TENM3: variants seen among roughly 807,000 people sequenced by gnomAD.
The protein encoded by TENM3 is teneurin-3.
Under a neutral mutation model 255.1 loss-of-function variants are expected in TENM3, and 63 were observed. The observed-to-expected ratio is 0.25, with a 90% CI of 0.20 to 0.30. TENM3 has a LOEUF of 0.30. Among genes scored for constraint, TENM3 ranks in the 10% least tolerant of loss-of-function variants. TENM3 has a pLI of 1.00. For synonymous variants in TENM3, 1,306 were observed against 1,322.3 expected (o/e 0.99, Z 0.27); for missense variants, 2,929 against 3,461.1 (o/e 0.85, Z 3.86).
intron 3 of TENM3, among the ~76,000 whole-genome samples, chr4:182,389,787 G>C (rs906858795): frequency 6.6e-6 from 1 of 151,310 alleles, no homozygotes; most frequent in Admixed American, 6.6e-5. Flanking sequence ...CCGGGTTCGC[G>C]CCATTCTCCT....
At chr4:182,494,267 A>G (rs1735555421) in intron 3 of TENM3, among the ~76,000 whole-genome samples, 1 of 152,198 alleles carries the variant, frequency 6.6e-6, no homozygotes, top group African/African-American at 2.4e-5. Context: ...TGGTATATAC[A>G]GTAGTCCCCC....
the TENM3 span, among the ~76,000 whole-genome samples, chr4:182,015,109 T>A: frequency 6.6e-6 from 1 of 152,234 alleles, no homozygotes; most frequent in Non-Finnish European, 1.5e-5. Flanking sequence ...ATTCCCCTGC[T>A]CTACTTCTTC....
chr4:182,244,189 G>A (rs555233931), intron 1 of TENM3, among the ~76,000 whole-genome samples: 2 of 151,890 alleles, frequency 1.3e-5, no homozygotes, highest in East Asian at 2.0e-4. Context: ...TCCTGACCTC[G>A]TGATCCGCCC....
rs764211535 is a variant in TENM3, at chr4:182,628,752, G to A, written c.851G>A (p.Arg284Gln). The A allele has an allele frequency of 9.9e-6, 16 of 1,609,234 alleles. No homozygotes were observed. The highest frequency in any genetic ancestry group is 2.7e-5 in the African/African-American group (2 of 74,738). ...GGCTCTGTTTATTCACCACCTACTC[G>A]GCCACTACCTAGAAACACCCTATCA... ...ASGSVYSPPTRPLPRNTLSRS... is the reference protein window; with the variant it reads ...ASGSVYSPPTQPLPRNTLSRS... Residue 284 changes from arginine (R) to glutamine (Q), a missense_variant, in exon 5 of 28, where the codon CGG becomes CAG. This residue lies in a region of TENM3 where 1,608 missense variants were observed against 1,884.4 expected (regional missense o/e 0.85). Coordinates refer to ENST00000511685, the MANE Select transcript of TENM3 (RefSeq NM_001080477.4).
Position 182,789,151 on chromosome 4 carries a change from T to C in TENM3, c.5363T>C (p.Ile1788Thr). 4 of 1,612,686 alleles carry C rather than the reference T, an allele frequency of 2.5e-6. No individual in the cohort carries two copies. The highest frequency in any genetic ancestry group is 3.4e-6 in the Non-Finnish European group (4 of 1,179,378). Residue 1788 changes from isoleucine to threonine, a missense_variant, in exon 25 of 28, where the codon ATC becomes ACC. Physicochemically the swap from Ile to Thr is moderately conservative, Grantham distance 89. Transcript: ENST00000511685. The surrounding 1 kb of genome is among the most constrained non-coding windows in gnomAD (Gnocchi z 4.4). ...DFDRTTKTEK[I>T]YDDHRKFLLR... Reference sequence around the variant, plus strand: ...GATCGAACAACAAAGACAGAAAAGATCTATGACGACCACCGTAAATTTCTA... The same window carrying C: ...GATCGAACAACAAAGACAGAAAAGACCTATGACGACCACCGTAAATTTCTA...
chr4:182,296,835 G>A (rs115041287), intron 1 of TENM3, among the ~76,000 whole-genome samples: 3,046 of 152,160 alleles, frequency 0.02, 106 homozygotes, highest in African/African-American at 0.07. Flanking sequence ...CAAATTGCTG[G>A]TGCTAATTTG....
chr4:181,909,535 C>A, the TENM3 span, among the ~76,000 whole-genome samples: 1 of 152,176 alleles, frequency 6.6e-6, no homozygotes, highest in Non-Finnish European at 1.5e-5. Context: ...GTGACTCAGC[C>A]CGGCTGCTGT....
intron 13 of TENM3, among the ~76,000 whole-genome samples, chr4:182,728,181 A>G (rs937001799): frequency 1.3e-5 from 2 of 152,158 alleles, no homozygotes; most frequent in South Asian, 2.1e-4. Flanking sequence ...TGGTTGGCTC[A>G]TCTCATCCAT....
chr4:182,126,957 C>G, the TENM3 span, among the ~76,000 whole-genome samples: 2 of 152,146 alleles, frequency 1.3e-5, no homozygotes, highest in African/African-American at 4.8e-5. Flanking sequence ...ACCAATCTAC[C>G]TTTGCAAAGT....
At chr4:181,774,714 T>C in the TENM3 span, among the ~76,000 whole-genome samples, 4 of 39,606 alleles carry the variant, frequency 1.0e-4, no homozygotes, top group Non-Finnish European at 1.9e-4. Context: ...CCATTCTAAC[T>C]GGTGTGAGAT....
intron 3 of TENM3, among the ~76,000 whole-genome samples, chr4:182,427,089 A>G (rs1269481523): frequency 6.6e-6 from 1 of 152,178 alleles, no homozygotes; most frequent in East Asian, 1.9e-4. Flanking sequence ...TACTCACAAT[A>G]ATGACTTTTT....
chr4:182,361,150 T>TAAC (rs1765947244), intron 3 of TENM3, among the ~76,000 whole-genome samples: 1 of 152,140 alleles, frequency 6.6e-6, no homozygotes, highest in Non-Finnish European at 1.5e-5. Context: ...TGGCTGCCCT[T>TAAC]AACATTTTTT....
chr4:182,131,094 A>C, the TENM3 span, among the ~76,000 whole-genome samples: 1 of 152,176 alleles, frequency 6.6e-6, no homozygotes, highest in Non-Finnish European at 1.5e-5. Flanking sequence ...TAATTATTTC[A>C]ATAGACCTTT....
At chr4:182,202,496 G>T (rs1250639205) in intron 1 of TENM3, among the ~76,000 whole-genome samples, 1 of 151,886 alleles carries the variant, frequency 6.6e-6, no homozygotes, top group African/African-American at 2.4e-5. Context: ...ATAGAGACGG[G>T]GTTTCTCCAT....
At chr4:181,583,221 T>C in the TENM3 span, among the ~76,000 whole-genome samples, 1 of 152,052 alleles carries the variant, frequency 6.6e-6, no homozygotes, top group Admixed American at 6.6e-5. Context: ...CTAATATCCA[T>C]ATACTTTAAA....
rs530234371 is a variant in TENM3 at position 182,476,973 on chromosome 4, C to T, written c.512-123951C>T. Among the ~76,000 whole-genome samples the T allele has an allele frequency of 3.3e-5, 5 of 152,306 alleles. No homozygotes were observed. The South Asian group carries it at 1.0e-3, about 32-fold the overall frequency. On this transcript the variant is annotated intron_variant, in intron 3 of 27. Coordinates refer to ENST00000511685, the MANE Select transcript of TENM3 (RefSeq NM_001080477.4). ...TGTGTTCAACACTGTTTATAAGGTT[C>T]TCCATGCCAGAGGACAGCCGCTATC...
At chr4:181,618,291 C>T in the TENM3 span, among the ~76,000 whole-genome samples, 3 of 152,102 alleles carry the variant, frequency 2.0e-5, no homozygotes, top group Non-Finnish European at 4.4e-5. Context: ...ATCCAGCTAG[C>T]GAGCAATTAG....
intron 3 of TENM3, among the ~76,000 whole-genome samples, chr4:182,560,992 A>G (rs114117026): frequency 1.5e-3 from 222 of 152,246 alleles, no homozygotes; most frequent in African/African-American, 5.1e-3. Context: ...TGGCCAGAGA[A>G]CTGGTCCTGC....
the TENM3 span, among the ~76,000 whole-genome samples, chr4:181,702,912 C>T: frequency 6.6e-6 from 1 of 151,680 alleles, no homozygotes; most frequent in African/African-American, 2.4e-5. Flanking sequence ...ATGAATTGTC[C>T]CTGGCCAGTA....
Sources: allele counts gnomAD v4.1 joint callset (sites outside exome capture counted in the v4.1 genomes callset), GRCh38; gene constraint gnomAD v4.1.1; regional missense constraint gnomAD v4.1.1; non-coding constraint Gnocchi (gnomAD v3.1); transcripts MANE v1.5; gene names NCBI Gene and HGNC (gene_info 2026-07-23, HGNC 2026-07-21).